The following GOT1 variants were observed in gnomAD, a reference collection of about 807,000 sequenced individuals.
GOT1 encodes the protein glutamic-oxaloacetic transaminase 1.
Under a neutral mutation model 48.2 loss-of-function variants are expected in GOT1, and 25 were observed. The observed-to-expected ratio is 0.52, with a 90% confidence interval of 0.38 to 0.72. GOT1 has a LOEUF of 0.72. GOT1 is among the 30% of genes least tolerant of loss of function. GOT1 has a pLI of 0.00. For synonymous variants in GOT1, 188 were observed against 193.8 expected (o/e 0.97, Z 0.25); for missense variants, 380 against 520.1 (o/e 0.73, Z 2.62).
intron 1 of GOT1, chr10:99,430,087 C>T: frequency 2.4e-6 from 1 of 424,506 alleles, no homozygotes; most frequent in Non-Finnish European, 4.6e-6. Context: ...GCAACCAGAA[C>T]CCTAAGCCTA....
In GOT1 at chr10:99,397,452, GT is replaced by G; in HGVS notation, c.*94del. The G allele has an allele frequency of 1.5e-6, 2 of 1,315,580 alleles. No individual in the cohort carries two copies. The highest frequency in any genetic ancestry group is 1.1e-6 in the Non-Finnish European group (1 of 918,592). 81.5% of individuals were successfully genotyped at this position (1,315,580 alleles called of 1,614,324 possible). On this transcript the variant is annotated 3_prime_UTR_variant, in exon 9 of 9. Transcript: ENST00000370508. The surrounding 1 kb of genome is among the most constrained non-coding windows in gnomAD (Gnocchi z 5.4). ...AGAGCAGCCTTTCAGTCCTGCAAGT[GT>G]CTCTAATCCATGGTATGTACATGTA...
chr10:99,427,237 T>C (rs1021464937), intron 1 of GOT1, among the ~76,000 whole-genome samples: 2 of 152,092 alleles, frequency 1.3e-5, no homozygotes, highest in Non-Finnish European at 2.9e-5. Flanking sequence ...TGGAGTTGAC[T>C]TTTAGTACAG....
At chr10:99,407,315 A>G (rs1168427835) in intron 2 of GOT1, among the ~76,000 whole-genome samples, 1 of 152,198 alleles carries the variant, frequency 6.6e-6, no homozygotes, top group African/African-American at 2.4e-5. Context: ...CTTGTCATTG[A>G]CATCAATCTG....
intron 8 of GOT1, 55 bp downstream of exon 8, chr10:99,402,525 G>C: frequency 1.3e-6 from 2 of 1,589,758 alleles, no homozygotes; most frequent in Non-Finnish European, 1.7e-6. Flanking sequence ...GCGACTGAAA[G>C]GAATGTTGTG....
At chr10:99,426,460 G>A (rs151062955) in intron 1 of GOT1, among the ~76,000 whole-genome samples, 128 of 152,288 alleles carry the variant, frequency 8.4e-4, no homozygotes, top group Non-Finnish European at 1.4e-3. Context: ...ATCTGATAAA[G>A]CATATTTTCC....
At chr10:99,418,806 T>A (rs2032931838) in intron 2 of GOT1, among the ~76,000 whole-genome samples, 2 of 152,126 alleles carry the variant, frequency 1.3e-5, no homozygotes, top group African/African-American at 4.8e-5. Context: ...CCTGGCCAGT[T>A]CCCCACTTTC....
At position 99,406,828 on chromosome 10, in the gene GOT1, C is replaced by G. The variant is rs920599785; in HGVS notation, c.322G>C (p.Gly108Arg). Residue 108 changes from glycine to arginine, a missense_variant, in exon 3 of 9, where the codon GGG (glycine) becomes CGG (arginine). Physicochemically the swap from Gly to Arg is moderately radical, Grantham distance 125. Coordinates refer to ENST00000370508, the MANE Select transcript of GOT1 (RefSeq NM_002079.3). ...CCAATTCGAAGTGCACCTGTTCCCC[C>G]CAAAGATTGCACACCTCCTACCTGA... Reference protein sequence around the residue: ...EKRVGGVQSLGGTGALRIGAD... With the variant: ...EKRVGGVQSLRGTGALRIGAD... The G allele has an allele frequency of 1.2e-6, 2 of 1,613,940 alleles. No homozygotes were observed. The highest frequency in any genetic ancestry group is 1.3e-5 in the African/African-American group (1 of 75,022).
chr10:99,426,789 G>T (rs1313526836), intron 1 of GOT1, among the ~76,000 whole-genome samples: 1 of 152,168 alleles, frequency 6.6e-6, no homozygotes, highest in Non-Finnish European at 1.5e-5. Flanking sequence ...AAAAACTGAG[G>T]AAACTAGCTG....
At chr10:99,421,836 TTTC>T (rs1325833763) in intron 1 of GOT1, among the ~76,000 whole-genome samples, 1 of 152,170 alleles carries the variant, frequency 6.6e-6, no homozygotes, top group African/African-American at 2.4e-5. Context: ...TGATTTTTAT[TTTC>T]TTGATTTCTG....
chr10:99,403,656 A>G (rs1209732634), intron 6 of GOT1, 22 bp from the exon 7 acceptor site: 23 of 1,613,928 alleles, frequency 1.4e-5, no homozygotes, highest in Admixed American at 5.0e-5. Context: ...GACCAGAATC[A>G]GCTGTGGCTG....
chr10:99,425,431 C>T (rs1330674360), intron 1 of GOT1, among the ~76,000 whole-genome samples: 1 of 152,106 alleles, frequency 6.6e-6, no homozygotes, highest in South Asian at 2.1e-4. Context: ...ATTTGAGTGA[C>T]ACCACAGAAA....
At chr10:99,413,819 A>T (rs2032858830) in intron 2 of GOT1, among the ~76,000 whole-genome samples, 1 of 152,198 alleles carries the variant, frequency 6.6e-6, no homozygotes, top group Admixed American at 6.5e-5. Flanking sequence ...TTCAACCCAG[A>T]ATTTCATATC....
intron 1 of GOT1, among the ~76,000 whole-genome samples, chr10:99,429,987 T>G (rs1443866449): frequency 6.6e-6 from 1 of 152,098 alleles, no homozygotes; most frequent in Non-Finnish European, 1.5e-5. Context: ...CTTAATAAGG[T>G]GGCTGATTGA....
Position 99,396,933 on chromosome 10 carries a change from A to G in GOT1, c.*614T>C, listed in dbSNP as rs914537346. On this transcript the variant is annotated 3_prime_UTR_variant, in exon 9 of 9. Coordinates refer to ENST00000370508, the MANE Select transcript of GOT1 (RefSeq NM_002079.3). The stretch of plus-strand genomic sequence containing the variant: ...TAGAACACAATAGAATGGCTCAAAA[A>G]TATCAGAATGCACTACGCACATCAC... 3.3e-5 allele frequency: 5 copies of G among 152,330 alleles called. No homozygotes were observed. Among genetic ancestry groups the G allele is most frequent in the African/African-American group, 1.2e-4 (5 of 41,472 alleles). 9.4% of individuals were successfully genotyped at this position (152,330 alleles called of 1,614,324 possible). A position where few individuals can be genotyped will look rare whatever the true frequency, so the allele number is the denominator to read the frequency against.
At chr10:99,400,639 A>T (rs781279594) in intron 8 of GOT1, among the ~76,000 whole-genome samples, 1 of 148,562 alleles carries the variant, frequency 6.7e-6, no homozygotes, top group Non-Finnish European at 1.5e-5. Flanking sequence ...CGTGTCTGAA[A>T]CAAACAAACA....
intron 8 of GOT1, among the ~76,000 whole-genome samples, chr10:99,400,629 C>T (rs931968158): frequency 2.6e-5 from 4 of 151,750 alleles, no homozygotes; most frequent in East Asian, 1.9e-4. Flanking sequence ...AGAGCGAGAC[C>T]GTGTCTGAAA....
At chr10:99,402,754 C>A (rs1423107181) in intron 7 of GOT1, 32 bp from the exon 8 acceptor site, 2 of 1,597,130 alleles carry the variant, frequency 1.3e-6, no homozygotes, top group Non-Finnish European at 8.6e-7. Context: ...AAATACCAAT[C>A]CAGACAGGAA....
intron 2 of GOT1, among the ~76,000 whole-genome samples, chr10:99,416,001 A>C (rs943621353): frequency 3.3e-5 from 5 of 152,324 alleles, no homozygotes; most frequent in Non-Finnish European, 7.3e-5. Context: ...AATGGGCAAA[A>C]ACTGGAAGCA....
chr10:99,415,127 C>T (rs2032877995), intron 2 of GOT1, among the ~76,000 whole-genome samples: 1 of 152,046 alleles, frequency 6.6e-6, no homozygotes, highest in South Asian at 2.1e-4. Flanking sequence ...CACAAAAAAC[C>T]CTTCAAAAAA....
Sources: gnomAD v4.1 joint callset for allele counts (sites outside exome capture counted in the v4.1 genomes callset) on GRCh38, gnomAD v4.1.1 for gene constraint, Gnocchi (gnomAD v3.1) non-coding constraint, MANE v1.5 for transcripts, NCBI Gene and HGNC (gene_info 2026-07-23, HGNC 2026-07-21) for gene names.